FRMD3: variants seen among roughly 807,000 people sequenced by gnomAD.
FRMD3 encodes FERM domain containing 3.
FRMD3 carries 33 observed loss-of-function variants against 70.2 expected under a neutral mutation model. That is an observed-to-expected ratio of 0.47 (90% CI 0.36 to 0.63). The LOEUF (loss-of-function observed/expected upper bound fraction) is 0.63, where lower values mean the gene tolerates loss of function less well. Ranked by LOEUF, FRMD3 falls within the 20% of genes least tolerant of loss-of-function variation. The pLI is 0.00. For missense variants in FRMD3, 632 were observed against 711.4 expected (o/e 0.89, Z 1.27); for synonymous variants, 279 against 255.9 (o/e 1.09, Z -0.86).
At chr9:83,266,201 G>C (rs1833248919) in intron 13 of FRMD3, among the ~76,000 whole-genome samples, 1 of 151,526 alleles carries the variant, frequency 6.6e-6, no homozygotes, top group South Asian at 2.1e-4. Flanking sequence ...AGTATTAACG[G>C]AAAGCATCTA....
At position 83,538,148 on chromosome 9, in the gene FRMD3, G is replaced by C. The variant is rs201279012; in HGVS notation, c.84C>G (p.Leu28=). ...IHFRSSSVKS[L]SQEMRCTIRL... ...GGATGGTGCATCTCATCTCCTGGCTGAGCGATTTGACGCTGGAGCTCCGAA... is the reference window on the plus strand; with the variant it reads ...GGATGGTGCATCTCATCTCCTGGCTCAGCGATTTGACGCTGGAGCTCCGAA... Residue 28 remains leucine (L), a synonymous_variant, in exon 1 of 14, where the codon CTC becomes CTG. Coordinates refer to ENST00000304195, the MANE Select transcript of FRMD3 (RefSeq NM_174938.6). The surrounding 1 kb of genome is among the most constrained non-coding windows in gnomAD (Gnocchi z 4.7). 2 of 1,613,488 alleles carry C rather than the reference G, an allele frequency of 1.2e-6. No individual in the cohort carries two copies. Among genetic ancestry groups the C allele is most frequent in the African/African-American group, 1.3e-5 (1 of 75,056 alleles).
chr9:83,275,873 C>T (rs1267425470), intron 13 of FRMD3: 3 of 152,176 alleles, frequency 2.0e-5, no homozygotes, highest in African/African-American at 7.2e-5. Context: ...CAGGGAATTT[C>T]ACAACTATAA....
the FRMD3 span, among the ~76,000 whole-genome samples, chr9:83,544,272 C>G: frequency 6.6e-6 from 1 of 152,182 alleles, no homozygotes; most frequent in African/African-American, 2.4e-5. Flanking sequence ...CGTTTCTGCA[C>G]CATGGAGCTG....
intron 4 of FRMD3, among the ~76,000 whole-genome samples, chr9:83,348,645 A>G (rs1174483719): frequency 6.6e-6 from 1 of 152,166 alleles, no homozygotes; most frequent in East Asian, 1.9e-4. Flanking sequence ...TACCTCAATG[A>G]AAAGAAAAAA....
the FRMD3 span, among the ~76,000 whole-genome samples, chr9:83,581,974 G>GT: frequency 1.3e-5 from 2 of 152,130 alleles, no homozygotes; most frequent in Non-Finnish European, 1.5e-5. Flanking sequence ...CGATGCTTGC[G>GT]TAACTCTGTG....
rs181520888 is a variant in FRMD3, at chr9:83,299,940, C to G, written c.927-754G>C. 1.3e-4 allele frequency among the ~76,000 whole-genome samples: 20 copies of G among 152,356 alleles called. No homozygotes were observed. The East Asian group carries it at 3.1e-3, about 23-fold the overall frequency. ...ACAGGGCACTAAATTACTGTGACAG[C>G]TGAGGATGGCTCTACAGCAGTCATG... On this transcript the variant is annotated intron_variant, in intron 10 of 13. Transcript: ENST00000304195.
chr9:83,513,955 TCTTCACAA>T (rs1329002101), intron 1 of FRMD3, among the ~76,000 whole-genome samples: 1 of 152,084 alleles, frequency 6.6e-6, no homozygotes, highest in Non-Finnish European at 1.5e-5. Context: ...TTTCCCATGG[TCTTCACAA>T]CCTGCAGACC....
chr9:83,446,701 A>G (rs190437002), intron 1 of FRMD3, among the ~76,000 whole-genome samples: 1 of 152,072 alleles, frequency 6.6e-6, no homozygotes, highest in East Asian at 1.9e-4. Flanking sequence ...TCCACACGGA[A>G]GAAAAGATGA....
chr9:83,296,424 A>G (rs1834663945), intron 12 of FRMD3, among the ~76,000 whole-genome samples: 2 of 152,200 alleles, frequency 1.3e-5, no homozygotes, highest in South Asian at 2.1e-4. Context: ...ATTGACCTCT[A>G]CTATGTGGCA....
At chr9:83,302,690 G>A (rs1317562159) in intron 10 of FRMD3, among the ~76,000 whole-genome samples, 1 of 151,860 alleles carries the variant, frequency 6.6e-6, no homozygotes, top group Admixed American at 6.6e-5. Context: ...CTAAATTATG[G>A]AGGTTCCAGA....
intron 1 of FRMD3, among the ~76,000 whole-genome samples, chr9:83,488,194 A>T (rs1335841623): frequency 1.3e-5 from 2 of 152,260 alleles, no homozygotes; most frequent in East Asian, 1.9e-4. Context: ...TGTAATTTAT[A>T]TACAACTAAA....
chr9:83,289,863 A>G (rs2378658), intron 13 of FRMD3, among the ~76,000 whole-genome samples: 83,385 of 152,148 alleles, frequency 0.55, 24,421 homozygotes, highest in South Asian at 0.78. Context: ...AGGTGTTTGC[A>G]GCAAGCATTG....
intron 5 of FRMD3, 73 bp downstream of exon 5, chr9:83,343,117 A>T: frequency 9.3e-7 from 1 of 1,070,108 alleles, no homozygotes; most frequent in East Asian, 2.4e-5. Context: ...CACGGGTGGG[A>T]GAGAAGGGAG....
chr9:83,506,330 C>T (rs925643941), intron 1 of FRMD3, among the ~76,000 whole-genome samples: 1 of 152,262 alleles, frequency 6.6e-6, no homozygotes, highest in East Asian at 1.9e-4. Context: ...AAGGGGGTTA[C>T]ATTCTGAGAA....
intron 1 of FRMD3, among the ~76,000 whole-genome samples, chr9:83,452,923 C>T (rs1354925783): frequency 7.2e-6 from 1 of 138,926 alleles, no homozygotes; most frequent in African/African-American, 2.7e-5. Context: ...GGTGCAATCT[C>T]GGCTCACTGC....
intron 1 of FRMD3, among the ~76,000 whole-genome samples, chr9:83,504,308 T>G (rs895173852): frequency 3.9e-5 from 6 of 152,172 alleles, no homozygotes; most frequent in African/African-American, 1.2e-4. Flanking sequence ...GGTCTCCCTG[T>G]GTTTGCTCTT....
intron 1 of FRMD3, among the ~76,000 whole-genome samples, chr9:83,520,968 T>TAAAAAAAA (rs1829558256): frequency 6.2e-5 from 1 of 16,202 alleles, no homozygotes. Flanking sequence ...CTACTAAAAA[T>TAAAAAAAA]ACAAAAAAAA....
intron 8 of FRMD3, 105 bp from the exon 9 acceptor site, chr9:83,310,653 T>G: frequency 1.3e-6 from 1 of 779,610 alleles, no homozygotes. Flanking sequence ...CAGATTGCAG[T>G]GAAACAAGGT....
At chr9:83,347,928 G>A (rs750114752) in intron 4 of FRMD3, among the ~76,000 whole-genome samples, 2 of 152,152 alleles carry the variant, frequency 1.3e-5, no homozygotes, top group Non-Finnish European at 2.9e-5. Flanking sequence ...AAAGGGTCAC[G>A]ATATTCCACT....
Sources: gnomAD v4.1 joint callset for allele counts (sites outside exome capture counted in the v4.1 genomes callset) on GRCh38, gnomAD v4.1.1 for gene constraint, Gnocchi (gnomAD v3.1) non-coding constraint, MANE v1.5 for transcripts, NCBI Gene and HGNC (gene_info 2026-07-23, HGNC 2026-07-21) for gene names.